The following TENM1 variants were observed in gnomAD, a reference collection of about 807,000 sequenced individuals.
TENM1 encodes the protein teneurin transmembrane protein 1.
In TENM1, 35 loss-of-function variants were observed where a neutral mutation model predicts 174.8. The ratio of observed to expected loss-of-function variants is 0.20; its 90% CI spans 0.15 to 0.27. TENM1 has a LOEUF of 0.27. Among genes scored for constraint, TENM1 ranks in the 10% least tolerant of loss-of-function variants. The pLI is 1.00. For missense variants in TENM1, 1,633 were observed against 2,130.1 expected, an observed-to-expected ratio of 0.77 and a Z score of 4.59; for synonymous variants, 781 against 798.7, an observed-to-expected ratio of 0.98 and a Z score of 0.37.
chrX:124,400,634 T>C (rs1309164136), intron 27 of TENM1, among the ~76,000 whole-genome samples: 2 of 112,234 alleles, frequency 1.8e-5, no homozygotes, highest in Non-Finnish European at 3.8e-5. Flanking sequence ...GATTTTGCTA[T>C]AACCTTACAA....
At chrX:125,112,134 T>TTGTGTGTGTGTGTGTGTG in the TENM1 span, among the ~76,000 whole-genome samples, 10 of 92,687 alleles carry the variant, frequency 1.1e-4, no homozygotes, top group African/African-American at 3.9e-4. Context: ...TTTAATGAAA[T>TTGTGTGTGTGTGTGTGTG]TGTGTGTGTG....
intron 27 of TENM1, among the ~76,000 whole-genome samples, chrX:124,397,911 T>C (rs1460608050): frequency 3.7e-5 from 4 of 108,290 alleles, no homozygotes; most frequent in Non-Finnish European, 1.9e-5. Flanking sequence ...TTAATTTTTA[T>C]GAAGTTGTGA....
chrX:124,754,466 G>GT (rs1390087703), intron 3 of TENM1, among the ~76,000 whole-genome samples: 8 of 111,290 alleles, frequency 7.2e-5, no homozygotes, highest in Non-Finnish European at 1.5e-4. Flanking sequence ...TTTTTGAAGG[G>GT]TTTTTTGTGT....
At chrX:124,837,381 G>T (rs185380279) in intron 3 of TENM1, among the ~76,000 whole-genome samples, 22 of 112,172 alleles carry the variant, frequency 2.0e-4, no homozygotes, top group Admixed American at 8.5e-4. Flanking sequence ...GAGCTACGAC[G>T]CCCAGCCTTT....
At chrX:125,171,994 C>T in the TENM1 span, among the ~76,000 whole-genome samples, 1 of 111,324 alleles carries the variant, frequency 9.0e-6, no homozygotes, top group South Asian at 3.8e-4. Flanking sequence ...AGGCATAGTT[C>T]CTGTATTCAA....
the TENM1 span, among the ~76,000 whole-genome samples, chrX:125,167,610 G>A: frequency 1.8e-5 from 2 of 111,192 alleles, no homozygotes; most frequent in Non-Finnish European, 3.8e-5. Flanking sequence ...TTTGGTGTGA[G>A]AAGACCTAGG....
At chrX:124,614,413 T>A (rs769049009) in intron 11 of TENM1, among the ~76,000 whole-genome samples, 1 of 112,271 alleles carries the variant, frequency 8.9e-6, no homozygotes, top group South Asian at 3.7e-4. Context: ...GGAAGCTCCA[T>A]GCTATGCTCA....
At chrX:124,967,149 T>C (rs1415602068), upstream of TENM1, among the ~76,000 whole-genome samples, 2 of 111,898 alleles carry the variant, frequency 1.8e-5, no homozygotes, top group East Asian at 2.8e-4. Context: ...ACCACAACCA[T>C]TGAAATTCCA....
intron 5 of TENM1, among the ~76,000 whole-genome samples, chrX:124,702,503 A>C (rs1175213008): frequency 2.7e-5 from 3 of 112,569 alleles, no homozygotes; most frequent in African/African-American, 9.7e-5. Flanking sequence ...AATATTGCTT[A>C]CCAATCAACC....
At chrX:124,917,844 AATAAAGCC>A (rs751438547) in intron 1 of TENM1, among the ~76,000 whole-genome samples, 46 of 112,228 alleles carry the variant, frequency 4.1e-4, no homozygotes, top group African/African-American at 1.4e-3. Flanking sequence ...TATCAAATGA[AATAAAGCC>A]ACTTGACTAT....
At chrX:124,646,847 C>T (rs373042169) in intron 8 of TENM1, 37 bp from the exon 12 acceptor site, 22 of 966,517 alleles carry the variant, frequency 2.3e-5, no homozygotes, top group African/African-American at 7.7e-5. Context: ...AAAATGAACG[C>T]ATCTCCAGGC....
intron 11 of TENM1, among the ~76,000 whole-genome samples, chrX:124,586,451 A>C (rs1156362234): frequency 2.7e-5 from 3 of 110,462 alleles, no homozygotes; most frequent in African/African-American, 9.9e-5. Flanking sequence ...TGATTATCTC[A>C]ATAGATGCAG....
chrX:124,824,114 C>T (rs1364352151), intron 3 of TENM1, among the ~76,000 whole-genome samples: 1 of 111,452 alleles, frequency 9.0e-6, no homozygotes, highest in Non-Finnish European at 1.9e-5. Flanking sequence ...ATTTCATTTA[C>T]ATTTAACTGC....
chrX:125,103,083 A>T, the TENM1 span, among the ~76,000 whole-genome samples: 1 of 112,594 alleles, frequency 8.9e-6, no homozygotes, highest in Non-Finnish European at 1.9e-5. Context: ...TCACTGAGGT[A>T]GCAAACTTGA....
At chrX:124,532,384 A>T (rs1450735990) in intron 15 of TENM1, among the ~76,000 whole-genome samples, 1 of 111,636 alleles carries the variant, frequency 9.0e-6, no homozygotes, top group East Asian at 2.8e-4. Context: ...TATGGCTTAT[A>T]TTTATGAAGG....
At chrX:125,161,091 T>C in the TENM1 span, among the ~76,000 whole-genome samples, 2 of 58,994 alleles carry the variant, frequency 3.4e-5, no homozygotes, top group African/African-American at 6.4e-5. Flanking sequence ...AACTAATAAA[T>C]AGGCAAACAA....
At chrX:125,200,631 G>A in the TENM1 span, among the ~76,000 whole-genome samples, 1 of 84,332 alleles carries the variant, frequency 1.2e-5, no homozygotes, top group Non-Finnish European at 2.2e-5. Flanking sequence ...AATTGCTTCC[G>A]TGTGTGTGTG....
chrX:125,090,643 A>T, the TENM1 span, among the ~76,000 whole-genome samples: 24 of 111,655 alleles, frequency 2.1e-4, no homozygotes, highest in South Asian at 9.1e-3. Context: ...TGACAGAGCA[A>T]GACTCTGTCT....
chrX:124,666,506 G>A (rs1365314797), intron 6 of TENM1, among the ~76,000 whole-genome samples: 1 of 111,334 alleles, frequency 9.0e-6, no homozygotes, highest in African/African-American at 3.3e-5. Flanking sequence ...CCGTAACAAT[G>A]ACAACAAACA....
Sources: allele counts gnomAD v4.1 joint callset (sites outside exome capture counted in the v4.1 genomes callset), GRCh38; gene constraint gnomAD v4.1.1; transcripts MANE v1.5; gene names NCBI Gene and HGNC (gene_info 2026-07-23, HGNC 2026-07-21).